EMID1: variants seen among roughly 807,000 people sequenced by gnomAD.
EMID1 encodes the protein EMI domain-containing protein 1.
EMID1 carries 40 observed loss-of-function variants against 60.6 expected under a neutral mutation model. The ratio of observed to expected loss-of-function variants is 0.66; its 90% CI spans 0.51 to 0.86. The LOEUF (loss-of-function observed/expected upper bound fraction) is 0.86, where lower values mean the gene tolerates loss of function less well. Ranked by LOEUF, EMID1 falls within the 40% of genes least tolerant of loss-of-function variation. The pLI, the probability that EMID1 is intolerant of heterozygous loss-of-function variation, is 0.00. For synonymous variants in EMID1, 242 were observed against 231.0 expected (o/e 1.05, Z -0.43); for missense variants, 585 against 597.1 (o/e 0.98, Z 0.21).
intron 12 of EMID1, among the ~76,000 whole-genome samples, chr22:29,240,385 A>G (rs2041109123): frequency 7.2e-6 from 1 of 139,132 alleles, no homozygotes; most frequent in Non-Finnish European, 1.6e-5. Context: ...CACGTCTGAC[A>G]TAATGTAAAA....
intron 13 of EMID1, among the ~76,000 whole-genome samples, chr22:29,252,193 C>T (rs1195861763): frequency 6.6e-6 from 1 of 152,170 alleles, no homozygotes; most frequent in Non-Finnish European, 1.5e-5. Context: ...CCTGGGACCC[C>T]CAGGCTGAAA....
chr22:29,235,961 T>C (rs148695789), intron 12 of EMID1, among the ~76,000 whole-genome samples: 134 of 152,264 alleles, frequency 8.8e-4, no homozygotes, highest in Non-Finnish European at 1.5e-3. Context: ...AGTTAACTTC[T>C]ATTCCTTTAC....
At chr22:29,253,300 T>C (rs560084849) in intron 13 of EMID1, among the ~76,000 whole-genome samples, 1 of 152,276 alleles carries the variant, frequency 6.6e-6, no homozygotes, top group African/African-American at 2.4e-5. Context: ...GAAATGTGTT[T>C]GGCTGGGCGC....
At chr22:29,236,161 A>G (rs944481004) in intron 12 of EMID1, among the ~76,000 whole-genome samples, 1 of 152,178 alleles carries the variant, frequency 6.6e-6, no homozygotes, top group Non-Finnish European at 1.5e-5. Flanking sequence ...CAGGAGGCCA[A>G]GGCAGGAGGA....
At chr22:29,215,740 G>T (rs2040057657) in intron 3 of EMID1, 110 bp downstream of exon 3, 3 of 802,480 alleles carry the variant, frequency 3.7e-6, no homozygotes, top group Non-Finnish European at 6.1e-6. Flanking sequence ...TACCATGCCT[G>T]CTGGGGCCAG....
rs1602083533 is a variant in EMID1 at position 29,259,037 on chromosome 22, T to G, written c.*93T>G. The G allele has an allele frequency of 6.6e-7, 1 of 1,525,276 alleles. No homozygotes were observed. Among genetic ancestry groups the G allele is most frequent in the Non-Finnish European group, 8.8e-7 (1 of 1,137,316 alleles). The allele number at this position is 1,525,276 out of a possible 1,614,324, so 94.5% of individuals were successfully genotyped here. A position where few individuals can be genotyped will look rare whatever the true frequency, so the allele number is the denominator to read the frequency against. On this transcript the variant is annotated 3_prime_UTR_variant, in exon 15 of 15. Transcript: ENST00000334018. Reference sequence around the variant, plus strand: ...TCCAGGGACCGCCCGTCCATATTTATTAATGTCCTCAGGGTCCCTTCTGCC... The same window carrying G: ...TCCAGGGACCGCCCGTCCATATTTAGTAATGTCCTCAGGGTCCCTTCTGCC...
At chr22:29,216,550 A>G (rs1013614463) in intron 3 of EMID1, 1 of 984,416 alleles carries the variant, frequency 1.0e-6, no homozygotes, top group Non-Finnish European at 1.2e-6. Flanking sequence ...GTCTCAGGAT[A>G]TACCCCAATT....
At chr22:29,212,133 A>C (rs956321284) in intron 1 of EMID1, among the ~76,000 whole-genome samples, 7 of 151,674 alleles carry the variant, frequency 4.6e-5, no homozygotes, top group Non-Finnish European at 1.0e-4. Context: ...TTACAGGCGC[A>C]CACCACCACG....
chr22:29,225,061 A>G, intron 3 of EMID1, 72 bp from the exon 4 acceptor site: 1 of 1,502,340 alleles, frequency 6.7e-7, no homozygotes, highest in Non-Finnish European at 9.2e-7. Flanking sequence ...TGCTGGGGCT[A>G]CAGTGGTGGG....
chr22:29,208,319 G>T (rs1302349357), intron 1 of EMID1, among the ~76,000 whole-genome samples: 1 of 152,152 alleles, frequency 6.6e-6, no homozygotes, highest in Non-Finnish European at 1.5e-5. Context: ...CATCCAGGGG[G>T]CCGCCCCTTG....
At chr22:29,252,925 G>A (rs2041578488) in intron 13 of EMID1, among the ~76,000 whole-genome samples, 4 of 152,252 alleles carry the variant, frequency 2.6e-5, no homozygotes, top group Admixed American at 1.3e-4. Flanking sequence ...AAGGGACAGA[G>A]TGCTGAGCCT....
intron 3 of EMID1, among the ~76,000 whole-genome samples, chr22:29,224,146 A>G (rs1477178466): frequency 6.6e-6 from 1 of 152,224 alleles, no homozygotes; most frequent in Non-Finnish European, 1.5e-5. Context: ...GACCCAGAGC[A>G]GGGCCTGGCA....
rs117515432 is a variant in EMID1, at chr22:29,258,506, A to C, written c.1205-311A>C. ...TCCACCCCAAAATGAATAGAAAAAG[A>C]AGCAGCCTTTCTATGAAGCATTCAC... On this transcript the variant is annotated intron_variant, in intron 14 of 14. Coordinates refer to ENST00000334018, the MANE Select transcript of EMID1 (RefSeq NM_133455.4). Among the ~76,000 whole-genome samples the C allele has an allele frequency of 2.7e-3, 407 of 152,286 alleles. 1 individual carries two copies. The highest frequency in any genetic ancestry group is 8.3e-3 in the African/African-American group (346 of 41,544).
At chr22:29,247,563 C>T (rs867262782) in intron 13 of EMID1, among the ~76,000 whole-genome samples, 1 of 152,174 alleles carries the variant, frequency 6.6e-6, no homozygotes, top group East Asian at 1.9e-4. Context: ...GCAACACAGT[C>T]GTAAGTATTT....
chr22:29,243,373 T>C, intron 12 of EMID1, 72 bp from the exon 13 acceptor site: 1 of 1,481,420 alleles, frequency 6.8e-7, no homozygotes, highest in Middle Eastern at 1.7e-4. Flanking sequence ...CTCTTTTTCC[T>C]CCCTCTTTTT....
In EMID1 at chr22:29,215,014, T is replaced by A; in HGVS notation, c.190T>A (p.Trp64Arg). The part of the protein sequence containing the change: ...YLQRVLQNCP[W>R]PMSCPGSSYR... Reference sequence around the variant, plus strand: ...TCAGCGAGTGCTGCAGAACTGCCCCTGGCCCATGAGCTGTCCGGGGAGCAG... The same window carrying A: ...TCAGCGAGTGCTGCAGAACTGCCCCAGGCCCATGAGCTGTCCGGGGAGCAG... The change falls in exon 2 of 15, where the codon TGG becomes AGG. Residue 64 changes from tryptophan (W) to arginine (R), a missense_variant. Transcript: ENST00000334018. 6.5e-7 allele frequency: 1 copy of A among 1,549,944 alleles called. No homozygotes were observed.
intron 5 of EMID1, among the ~76,000 whole-genome samples, chr22:29,227,829 G>A (rs1207772576): frequency 6.6e-6 from 1 of 151,430 alleles, no homozygotes; most frequent in Non-Finnish European, 1.5e-5. Context: ...GCCTGGCTAA[G>A]ATGGTGAAAC....
intron 1 of EMID1, among the ~76,000 whole-genome samples, chr22:29,214,426 G>A (rs890214478): frequency 6.6e-5 from 10 of 152,172 alleles, no homozygotes; most frequent in African/African-American, 1.7e-4. Context: ...CAAAGGCCTG[G>A]GGCAGGTGTG....
chr22:29,208,325 C>T (rs565612958), intron 1 of EMID1, among the ~76,000 whole-genome samples: 1 of 152,292 alleles, frequency 6.6e-6, no homozygotes, highest in East Asian at 1.9e-4. Flanking sequence ...GGGGGCCGCC[C>T]CTTGCCCCAG....
Sources: allele counts gnomAD v4.1 joint callset (sites outside exome capture counted in the v4.1 genomes callset), GRCh38; gene constraint gnomAD v4.1.1; transcripts MANE v1.5; gene names NCBI Gene and HGNC (gene_info 2026-07-23, HGNC 2026-07-21).